Variants in PKIG observed in about 807,000 individuals in gnomAD.
PKIG encodes protein kinase (cAMP-dependent, catalytic) inhibitor gamma.
In PKIG, 1 loss-of-function variant was observed where a neutral mutation model predicts 6.8. That is an observed-to-expected ratio of 0.15 (90% CI 0.05 to 0.69). The LOEUF (loss-of-function observed/expected upper bound fraction) is 0.69. PKIG is among the 30% of genes least tolerant of loss of function. PKIG has a pLI of 0.82. For synonymous variants in PKIG, 39 were observed against 43.0 expected, an observed-to-expected ratio of 0.91 and a Z score of 0.36; for missense variants, 77 against 104.0, an observed-to-expected ratio of 0.74 and a Z score of 1.13.
At chr20:44,611,216 G>C (rs244084) in intron 2 of PKIG, among the ~76,000 whole-genome samples, 1 of 151,824 alleles carries the variant, frequency 6.6e-6, no homozygotes, top group Non-Finnish European at 1.5e-5. Context: ...TACCACACCC[G>C]ACTAATTTTG....
At chr20:44,544,925 CTTTTT>C (rs796482642) in intron 1 of PKIG, among the ~76,000 whole-genome samples, 229 of 64,336 alleles carry the variant, frequency 3.6e-3, no homozygotes, top group African/African-American at 0.017. Context: ...TTCCTTCTTT[CTTTTT>C]TTTTTTTTTT....
chr20:44,606,022 A>G (rs943786838), intron 2 of PKIG, among the ~76,000 whole-genome samples: 2 of 152,214 alleles, frequency 1.3e-5, no homozygotes, highest in Non-Finnish European at 2.9e-5. Context: ...ATAAAGATCA[A>G]TTTTACTAAT....
At chr20:44,610,493 C>CT (rs1412975692) in intron 2 of PKIG, among the ~76,000 whole-genome samples, 31 of 143,962 alleles carry the variant, frequency 2.2e-4, no homozygotes, top group African/African-American at 8.1e-4. Flanking sequence ...TCTTCTCTCT[C>CT]TCTCTCTCAC....
At chr20:44,579,635 G>T (rs1422411724), upstream of PKIG, among the ~76,000 whole-genome samples, 1 of 152,224 alleles carries the variant, frequency 6.6e-6, no homozygotes, top group Non-Finnish European at 1.5e-5. Context: ...CTTGGCCCCA[G>T]CCCACATAAG....
At chr20:44,571,738 C>T (rs1304435084) in intron 1 of PKIG, among the ~76,000 whole-genome samples, 1 of 152,212 alleles carries the variant, frequency 6.6e-6, no homozygotes, top group Non-Finnish European at 1.5e-5. Flanking sequence ...AAGGCTGTAA[C>T]ACGTTCTGTG....
At chr20:44,606,592 C>T (rs1157150964) in intron 2 of PKIG, among the ~76,000 whole-genome samples, 5 of 152,100 alleles carry the variant, frequency 3.3e-5, no homozygotes, top group Middle Eastern at 6.8e-3. Context: ...CTGGATCACC[C>T]GAGGTCAGGA....
intron 2 of PKIG, among the ~76,000 whole-genome samples, chr20:44,599,231 C>T (rs1424477687): frequency 1.3e-5 from 2 of 152,162 alleles, no homozygotes; most frequent in Non-Finnish European, 2.9e-5. Context: ...ATCCATACTA[C>T]ATGCCAGGCA....
Position 44,544,897 on chromosome 20 carries a change from TTTTC to T in PKIG, c.-241+12932_-241+12935del, listed in dbSNP as rs1326652767. 5.9e-5 allele frequency among the ~76,000 whole-genome samples: 9 copies of T among 151,388 alleles called. No individual in the cohort carries two copies. In the South Asian group the frequency reaches 1.0e-3, roughly 18 times the overall value. ...TGACTTTCCTCTTTCTTTTCTTTTC[TTTTC>T]TTTCTTTCTTTCCTTCCTTCTTTCT... On this transcript the variant is annotated intron_variant, in intron 1 of 4. Coordinates refer to the PKIG transcript ENST00000372887.
rs1323819306 is a variant in PKIG, at chr20:44,614,999, C to T, written c.151+292C>T. Among the ~76,000 whole-genome samples, 3 of 152,124 alleles carry T rather than the reference C, an allele frequency of 2.0e-5. No homozygotes were observed. The highest frequency in any genetic ancestry group is 4.4e-5 in the Non-Finnish European group (3 of 68,004). On this transcript the variant is annotated intron_variant, in intron 3 of 3. Transcript: ENST00000372886. The surrounding 1 kb of genome is among the most constrained non-coding windows in gnomAD (Gnocchi z 4.6). ...CCCCACAGCTATACCTGGCTCTGGC[C>T]ACTCACAGCTCTCACCTGGCTGACT...
At chr20:44,546,261 GGAGAGGA>G (rs1418997481) in intron 1 of PKIG, among the ~76,000 whole-genome samples, 3 of 152,022 alleles carry the variant, frequency 2.0e-5, no homozygotes, top group Non-Finnish European at 2.9e-5. Context: ...GAGAAGAGAA[GGAGAGGA>G]GAGAGGAGAG....
chr20:44,544,142 C>T (rs2064589095), intron 1 of PKIG, among the ~76,000 whole-genome samples: 1 of 151,832 alleles, frequency 6.6e-6, no homozygotes. Flanking sequence ...CCTAGAATCT[C>T]ATTGGCCTGG....
intron 1 of PKIG, among the ~76,000 whole-genome samples, chr20:44,587,215 G>A (rs983817684): frequency 1.3e-5 from 2 of 152,170 alleles, no homozygotes; most frequent in Non-Finnish European, 2.9e-5. Context: ...TTAATGGCAC[G>A]TGAAAAGTAC....
intron 1 of PKIG, among the ~76,000 whole-genome samples, chr20:44,576,637 C>T (rs1315974776): frequency 4.6e-5 from 7 of 152,152 alleles, no homozygotes; most frequent in Admixed American, 4.6e-4. Context: ...CCCTTGCCTT[C>T]TCTGGATCTG....
chr20:44,608,901 G>A (rs1463670811), intron 2 of PKIG, among the ~76,000 whole-genome samples: 2 of 152,036 alleles, frequency 1.3e-5, no homozygotes, highest in Admixed American at 1.3e-4. Flanking sequence ...AACTGATTTA[G>A]TAGCTAAAAG....
Position 44,614,401 on chromosome 20 carries a change from CT to C in PKIG, c.-23-128del. The stretch of plus-strand genomic sequence containing the variant: ...GTTTTGTTCTTTGTACTTTTCTGTG[CT>C]TTTTGCTTTGTTTTCAATAAGAGGC... On this transcript the variant is annotated intron_variant, in intron 2 of 3. Transcript: ENST00000372886. The surrounding 1 kb of genome is among the most constrained non-coding windows in gnomAD (Gnocchi z 4.6). 1 of 641,442 alleles carries C rather than the reference CT, an allele frequency of 1.6e-6. No individual in the cohort carries two copies. Among genetic ancestry groups the C allele is most frequent in the Non-Finnish European group, 2.7e-6 (1 of 370,512 alleles). 39.7% of individuals were successfully genotyped at this position (641,442 alleles called of 1,614,324 possible).
At chr20:44,572,354 G>C (rs1000510595) in intron 1 of PKIG, among the ~76,000 whole-genome samples, 1 of 152,158 alleles carries the variant, frequency 6.6e-6, no homozygotes, top group African/African-American at 2.4e-5. Flanking sequence ...TTTTGTTCAT[G>C]TATGGGGCAA....
chr20:44,566,500 G>A (rs1222417179), intron 1 of PKIG, among the ~76,000 whole-genome samples: 1 of 152,130 alleles, frequency 6.6e-6, no homozygotes, highest in African/African-American at 2.4e-5. Flanking sequence ...ATATGTAAAT[G>A]AAACATTTTC....
chr20:44,618,140 C>G, intron 3 of PKIG, 145 bp from the exon 4 acceptor site: 1 of 676,624 alleles, frequency 1.5e-6, no homozygotes, highest in South Asian at 1.6e-5. Context: ...GTCCATAGGC[C>G]ACCACCACCT....
intron 1 of PKIG, among the ~76,000 whole-genome samples, chr20:44,545,519 A>C (rs1338389660): frequency 6.6e-6 from 1 of 152,144 alleles, no homozygotes; most frequent in Non-Finnish European, 1.5e-5. Context: ...TGAAGAAAAA[A>C]ATTATAAAAA....
Sources: gnomAD v4.1 joint callset for allele counts (sites outside exome capture counted in the v4.1 genomes callset) on GRCh38, gnomAD v4.1.1 for gene constraint, Gnocchi (gnomAD v3.1) non-coding constraint, MANE v1.5 for transcripts, NCBI Gene and HGNC (gene_info 2026-07-23, HGNC 2026-07-21) for gene names.